Variants in ZNF608 observed in about 807,000 individuals in gnomAD.
The protein encoded by ZNF608 is renal carcinoma antigen NY-REN-36.
Under a neutral mutation model 109.0 loss-of-function variants are expected in ZNF608, and 12 were observed. The ratio of observed to expected loss-of-function variants is 0.11; its 90% confidence interval spans 0.07 to 0.18. The LOEUF is 0.18. ZNF608 is among the 10% of genes least tolerant of loss of function. The pLI is 1.00. For missense variants in ZNF608, 1,707 were observed against 1,879.3 expected, an observed-to-expected ratio of 0.91 and a Z score of 1.70; for synonymous variants, 732 against 717.4, an observed-to-expected ratio of 1.02 and a Z score of -0.33.
At chr5:124,706,370 T>C (rs940588377) in intron 2 of ZNF608, among the ~76,000 whole-genome samples, 2 of 152,158 alleles carry the variant, frequency 1.3e-5, no homozygotes, top group Admixed American at 6.5e-5. Flanking sequence ...ATTGCTATTG[T>C]CAATATTAGT....
intron 3 of ZNF608, among the ~76,000 whole-genome samples, chr5:124,670,275 A>T (rs897526981): frequency 6.6e-6 from 1 of 152,072 alleles, no homozygotes; most frequent in African/African-American, 2.4e-5. Context: ...ATTAAGATAA[A>T]ATGATGTGCT....
At chr5:124,705,002 T>C (rs1753202072) in intron 2 of ZNF608, among the ~76,000 whole-genome samples, 1 of 151,980 alleles carries the variant, frequency 6.6e-6, no homozygotes, top group South Asian at 2.1e-4. Context: ...TTCTTTCTGC[T>C]AGGTAAGAAT....
intron 2 of ZNF608, among the ~76,000 whole-genome samples, chr5:124,704,531 C>T (rs1411541740): frequency 6.6e-6 from 1 of 152,150 alleles, no homozygotes; most frequent in Non-Finnish European, 1.5e-5. Context: ...GGGATTACAG[C>T]CACTCCCAGA....
chr5:124,647,835 G>C lies in ZNF608; in HGVS notation c.2549C>G (p.Pro850Arg), dbSNP rs913718665. Residue 850 changes from proline to arginine, a missense_variant, in exon 5 of 10, where the codon CCT becomes CGT. Transcript: ENST00000513986. Reference protein sequence around the residue: ...EDSKGASKDLPGHFLKDHLNK... With the variant: ...EDSKGASKDLRGHFLKDHLNK... Reference sequence around the variant, plus strand: ...GAGATGATCCTTTAAAAAATGCCCAGGTAAATCTTTGCTGGCCCCCTTGGA... The same window carrying C: ...GAGATGATCCTTTAAAAAATGCCCACGTAAATCTTTGCTGGCCCCCTTGGA... 1 of 1,614,204 alleles carries C rather than the reference G, an allele frequency of 6.2e-7. No homozygotes were observed.
chr5:124,712,730 G>A (rs1753546773), intron 2 of ZNF608, among the ~76,000 whole-genome samples: 2 of 152,092 alleles, frequency 1.3e-5, no homozygotes, highest in Admixed American at 6.5e-5. Context: ...AGAACAAAGC[G>A]GCTGGCTTTT....
intron 2 of ZNF608, among the ~76,000 whole-genome samples, chr5:124,714,310 T>G (rs1023017170): frequency 6.6e-6 from 1 of 152,160 alleles, no homozygotes; most frequent in African/African-American, 2.4e-5. Context: ...TCAAACACAT[T>G]CTGTTGAGGA....
At chr5:124,733,694 C>A (rs1749015506) in intron 2 of ZNF608, among the ~76,000 whole-genome samples, 1 of 152,080 alleles carries the variant, frequency 6.6e-6, no homozygotes, top group South Asian at 2.1e-4. Context: ...GAGGTCTCTG[C>A]AATCTGAAGG....
In ZNF608 at chr5:124,641,301, G is replaced by A. The variant is rs772292315; in HGVS notation, c.4401C>T (p.His1467=). Residue 1467 remains histidine (H), a synonymous_variant, in exon 8 of 10, where the codon CAC becomes CAT. Coordinates refer to ENST00000513986, the MANE Select transcript of ZNF608 (RefSeq NM_020747.3). The part of the protein sequence containing the change: ...QRHLHTHHHT[H]VGMGYPLIPG... ...GGATTAGCGGGTAACCCATGCCAAC[G>A]TGGGTGTGGTGGTGCGTGTGCAGGT... 17 of 1,613,846 alleles carry A rather than the reference G, an allele frequency of 1.1e-5. No individual in the cohort carries two copies. Among genetic ancestry groups the A allele is most frequent in the East Asian group, 2.2e-5 (1 of 44,874 alleles).
At chr5:124,689,620 A>C (rs776944763) in intron 3 of ZNF608, among the ~76,000 whole-genome samples, 10 of 152,244 alleles carry the variant, frequency 6.6e-5, no homozygotes, top group Non-Finnish European at 1.5e-4. Flanking sequence ...AAAGATATAC[A>C]GATGGCTGGT....
intron 3 of ZNF608, among the ~76,000 whole-genome samples, chr5:124,662,496 C>T (rs551429240): frequency 6.6e-6 from 1 of 152,354 alleles, no homozygotes; most frequent in Non-Finnish European, 1.5e-5. Context: ...CTTTTACTGC[C>T]TCTGTGCATT....
At chr5:124,669,576 T>C (rs1395420127) in intron 3 of ZNF608, among the ~76,000 whole-genome samples, 2 of 152,170 alleles carry the variant, frequency 1.3e-5, no homozygotes, top group African/African-American at 2.4e-5. Flanking sequence ...AGCTTCCATT[T>C]TTGGAGGAAC....
At chr5:124,646,619 A>G (rs1750519518) in intron 5 of ZNF608, 60 bp downstream of exon 5, 9 of 1,536,254 alleles carry the variant, frequency 5.9e-6, no homozygotes, top group Non-Finnish European at 7.9e-6. Context: ...AAGCCCAGAC[A>G]TGTATAATAC....
At chr5:124,709,645 A>T (rs995176958) in intron 2 of ZNF608, among the ~76,000 whole-genome samples, 3 of 152,200 alleles carry the variant, frequency 2.0e-5, no homozygotes, top group Admixed American at 6.5e-5. Flanking sequence ...TGAGCCACAG[A>T]TACTTAATCT....
chr5:124,727,503 A>G (rs1213579197), intron 2 of ZNF608, among the ~76,000 whole-genome samples: 1 of 152,096 alleles, frequency 6.6e-6, no homozygotes, highest in Non-Finnish European at 1.5e-5. Context: ...GTATATGTAA[A>G]AAGATATTAA....
intron 2 of ZNF608, among the ~76,000 whole-genome samples, chr5:124,708,308 G>A (rs1256333643): frequency 6.6e-6 from 1 of 152,232 alleles, no homozygotes; most frequent in Non-Finnish European, 1.5e-5. Context: ...TTTTACAGAT[G>A]AGGAAAAGGA....
In ZNF608 at chr5:124,695,071, T is replaced by C. The variant is rs10053535; in HGVS notation, c.1162+5943A>G. On this transcript the variant is annotated intron_variant, in intron 3 of 9. Transcript: ENST00000513986. ...CATGCTCACCTGCCCAACTCACACATTGGGGGCTGATTTATCTCCATTTAG... is the reference window on the plus strand; with the variant it reads ...CATGCTCACCTGCCCAACTCACACACTGGGGGCTGATTTATCTCCATTTAG... Among the ~76,000 whole-genome samples, 516 of 152,198 alleles carry C rather than the reference T, an allele frequency of 3.4e-3. 5 individuals carry two copies. The highest frequency in any genetic ancestry group is 0.011 in the African/African-American group (477 of 41,518).
chr5:124,638,157 T>C (rs1003930292), intron 9 of ZNF608, among the ~76,000 whole-genome samples: 1 of 151,898 alleles, frequency 6.6e-6, no homozygotes, highest in Non-Finnish European at 1.5e-5. Context: ...TCCATGTTGG[T>C]CAGACTGGTC....
chr5:124,746,331 A>G lies in ZNF608; in HGVS notation c.-320T>C. ...AGGAAGAAACCAAATAACACATCTC[A>G]GCCAGAATAATCACTCGATAACATT... On this transcript the variant is annotated 5_prime_UTR_variant, in exon 1 of 10. The change abolishes the stop of an existing upstream ORF in the 5' untranslated region. Coordinates refer to ENST00000513986, the MANE Select transcript of ZNF608 (RefSeq NM_020747.3). The G allele has an allele frequency of 1.0e-6, 1 of 985,324 alleles. No individual in the cohort carries two copies. Among genetic ancestry groups the G allele is most frequent in the African/African-American group, 1.7e-5 (1 of 57,346 alleles). The allele number at this position is 985,324 out of a possible 1,614,324, so 61.0% of individuals were successfully genotyped here. A position where few individuals can be genotyped will look rare whatever the true frequency, so the allele number is the denominator to read the frequency against.
At position 124,641,333 on chromosome 5, in the gene ZNF608, G is replaced by A. The variant is rs1342425020; in HGVS notation, c.4369C>T (p.Gln1457Ter). Residue 1457 changes from glutamine (Q) to a stop codon, truncating the protein, a stop_gained, in exon 8 of 10, where the codon CAG becomes TAG. Coordinates refer to ENST00000513986, the MANE Select transcript of ZNF608 (RefSeq NM_020747.3). LOFTEE classifies it high-confidence loss of function. ...RERDRHSPFG[Q>*]RHLHTHHHTH... ...TGGTGGTGCGTGTGCAGGTGCCGCT[G>A]GCCGAAGGGGGAGTGGCGATCCCTT... is the stretch of plus-strand genomic sequence containing the variant. 1 of 1,614,000 alleles carries A rather than the reference G, an allele frequency of 6.2e-7. No individual in the cohort carries two copies. Among genetic ancestry groups the A allele is most frequent in the Non-Finnish European group, 8.5e-7 (1 of 1,180,020 alleles).
Sources: gnomAD v4.1 joint callset for allele counts (sites outside exome capture counted in the v4.1 genomes callset) on GRCh38, gnomAD v4.1.1 for gene constraint, MANE v1.5 for transcripts, NCBI Gene and HGNC (gene_info 2026-07-23, HGNC 2026-07-21) for gene names.